The following CAMTA1 variants were observed in gnomAD, a reference collection of about 807,000 sequenced individuals.
CAMTA1 encodes calmodulin-binding transcription activator 1.
CAMTA1 carries 27 observed loss-of-function variants against 170.9 expected under a neutral mutation model. The observed-to-expected ratio is 0.16, with a 90% confidence interval of 0.12 to 0.22. The LOEUF (loss-of-function observed/expected upper bound fraction) is 0.22, where lower values mean the gene tolerates loss of function less well. Among genes scored for constraint, CAMTA1 ranks in the 10% least tolerant of loss-of-function variants. CAMTA1 has a pLI of 1.00. For synonymous variants in CAMTA1, 833 were observed against 891.5 expected, an observed-to-expected ratio of 0.93 and a Z score of 1.17; for missense variants, 1,619 against 2,217.2, an observed-to-expected ratio of 0.73 and a Z score of 5.42.
intron 5 of CAMTA1, among the ~76,000 whole-genome samples, chr1:7,352,323 GA>G (rs1395366405): frequency 6.6e-6 from 1 of 152,148 alleles, no homozygotes; most frequent in African/African-American, 2.4e-5. Context: ...TGTCATCTGG[GA>G]GGTGACAAAA....
intron 6 of CAMTA1, among the ~76,000 whole-genome samples, chr1:7,469,796 G>C (rs1478323152): frequency 1.3e-5 from 2 of 152,266 alleles, no homozygotes; most frequent in Middle Eastern, 6.8e-3. Context: ...GGGCAGCCAC[G>C]AGGTCTGAGC....
At chr1:7,390,266 A>C (rs2088541451) in intron 5 of CAMTA1, among the ~76,000 whole-genome samples, 1 of 152,178 alleles carries the variant, frequency 6.6e-6, no homozygotes, top group African/African-American at 2.4e-5. Context: ...AGAGGGTGAC[A>C]CAACCCGCCC....
intron 3 of CAMTA1, among the ~76,000 whole-genome samples, chr1:6,911,108 C>G (rs980780373): frequency 1.1e-4 from 17 of 152,234 alleles, no homozygotes; most frequent in Non-Finnish European, 2.2e-4. Context: ...GGCCAGCTTC[C>G]TTTGTTTTAA....
chr1:6,786,720 CG>C lies in CAMTA1; in HGVS notation c.45+1146del, dbSNP rs1173296567. Among the ~76,000 whole-genome samples, 5 of 152,228 alleles carry C rather than the reference CG, an allele frequency of 3.3e-5. No homozygotes were observed. The East Asian group carries it at 9.6e-4, about 29-fold the overall frequency. ...CTTATGGAGACAACTGGACGTTCAC[CG>C]TGCTCCTTTCGCCATTTGTGTGTCT... On this transcript the variant is annotated intron_variant, in intron 1 of 22. Transcript: ENST00000303635.
chr1:7,184,976 C>G (rs973452467), intron 4 of CAMTA1, among the ~76,000 whole-genome samples: 1 of 152,022 alleles, frequency 6.6e-6, no homozygotes, highest in African/African-American at 2.4e-5. Flanking sequence ...TTTGTTTTTT[C>G]AAGTGATGTG....
intron 5 of CAMTA1, among the ~76,000 whole-genome samples, chr1:7,432,832 C>T (rs773863825): frequency 2.0e-4 from 30 of 152,220 alleles, no homozygotes; most frequent in African/African-American, 4.1e-4. Context: ...GGATTATTTA[C>T]GGCCTTGTTT....
intron 11 of CAMTA1, among the ~76,000 whole-genome samples, chr1:7,716,565 T>C (rs898849219): frequency 2.0e-5 from 3 of 152,242 alleles, no homozygotes; most frequent in Non-Finnish European, 4.4e-5. Context: ...GTCTCTCATG[T>C]AGAATCCAGT....
At chr1:7,191,130 A>G (rs1654440071) in intron 4 of CAMTA1, among the ~76,000 whole-genome samples, 1 of 152,246 alleles carries the variant, frequency 6.6e-6, no homozygotes, top group Admixed American at 6.5e-5. Context: ...TCTGATTATA[A>G]GAGCCCTTGG....
intron 6 of CAMTA1, among the ~76,000 whole-genome samples, chr1:7,485,362 A>G (rs1459665243): frequency 6.6e-6 from 1 of 151,936 alleles, no homozygotes; most frequent in Admixed American, 6.5e-5. Context: ...CCTGACAGCC[A>G]CTCGTGCTCC....
intron 3 of CAMTA1, among the ~76,000 whole-genome samples, chr1:6,861,316 A>G (rs1664607359): frequency 6.6e-6 from 1 of 152,220 alleles, no homozygotes; most frequent in Non-Finnish European, 1.5e-5. Context: ...TGGTTTCAGT[A>G]AGATCACATC....
chr1:7,436,652 A>T (rs2092357462), intron 5 of CAMTA1, among the ~76,000 whole-genome samples: 1 of 152,116 alleles, frequency 6.6e-6, no homozygotes, highest in African/African-American at 2.4e-5. Flanking sequence ...AGAGCAGTTG[A>T]AGGCTGGTTC....
In CAMTA1 at chr1:6,971,281, G is replaced by A. The variant is rs74690337; in HGVS notation, c.235-120023G>A. ...TGGGAGTGGGAGTATTTATAGCAACGCCTCTTTTGCTGGAGTGTTGAACTT... is the reference window on the plus strand; with the variant it reads ...TGGGAGTGGGAGTATTTATAGCAACACCTCTTTTGCTGGAGTGTTGAACTT... On this transcript the variant is annotated intron_variant, in intron 3 of 22. Coordinates refer to ENST00000303635, the MANE Select transcript of CAMTA1 (RefSeq NM_015215.4). The surrounding 1 kb of genome is among the most constrained non-coding windows in gnomAD (Gnocchi z 4.6). Among the ~76,000 whole-genome samples, 75 of 152,302 alleles carry A rather than the reference G, an allele frequency of 4.9e-4. 1 individual carries two copies. The East Asian group carries it at 0.013, about 27-fold the overall frequency.
chr1:7,626,137 C>G (rs2095632004), intron 6 of CAMTA1, among the ~76,000 whole-genome samples: 2 of 152,188 alleles, frequency 1.3e-5, no homozygotes, highest in Non-Finnish European at 2.9e-5. Flanking sequence ...CTGGGGAACA[C>G]ATTAAAAAAA....
At position 6,970,581 on chromosome 1, in the gene CAMTA1, T is replaced by C. The variant is rs1435310934; in HGVS notation, c.235-120723T>C. 1.3e-5 allele frequency among the ~76,000 whole-genome samples: 2 copies of C among 152,030 alleles called. No individual in the cohort carries two copies. Among genetic ancestry groups the C allele is most frequent in the African/African-American group, 4.8e-5 (2 of 41,376 alleles). On this transcript the variant is annotated intron_variant, in intron 3 of 22. Transcript: ENST00000303635. The surrounding 1 kb of genome is among the most constrained non-coding windows in gnomAD (Gnocchi z 4.4). ...GGGACTCCACCTGAGGCCTGAAGGA[T>C]ACCGTGAGTCTGAAGACTCCACAGA... is the stretch of plus-strand genomic sequence containing the variant.
intron 10 of CAMTA1, among the ~76,000 whole-genome samples, chr1:7,676,420 G>T (rs566087176): frequency 1.3e-5 from 2 of 152,344 alleles, no homozygotes; most frequent in African/African-American, 4.8e-5. Flanking sequence ...GATGGCTGCT[G>T]CCTTAACACA....
At chr1:7,221,530 T>G (rs1278592316) in intron 4 of CAMTA1, among the ~76,000 whole-genome samples, 1 of 152,158 alleles carries the variant, frequency 6.6e-6, no homozygotes, top group Non-Finnish European at 1.5e-5. Context: ...TGCAAATTTC[T>G]TTGGTGATGG....
At chr1:7,375,927 G>A (rs187560242) in intron 5 of CAMTA1, among the ~76,000 whole-genome samples, 250 of 152,290 alleles carry the variant, frequency 1.6e-3, no homozygotes, top group Middle Eastern at 0.01. Context: ...CAGCGGACTG[G>A]GGCAAGGGCC....
chr1:7,655,578 A>C (rs944326035), intron 7 of CAMTA1, among the ~76,000 whole-genome samples: 4 of 120,810 alleles, frequency 3.3e-5, no homozygotes, highest in Non-Finnish European at 5.5e-5. Context: ...ACCCACCTAC[A>C]CACACAAACA....
chr1:7,585,639 A>G lies in CAMTA1; in HGVS notation c.511-54761A>G, dbSNP rs1997148. Among the ~76,000 whole-genome samples, 11,353 of 152,192 alleles carry G rather than the reference A, an allele frequency of 0.075. 1,463 individuals carry two copies. Among genetic ancestry groups the G allele is most frequent in the African/African-American group, 0.26 (10,835 of 41,472 alleles). ...GGCTACTGGTGCAGAGGGCAAGGGCAGGAGGCTGCAGGAGGACAATGGGCC... is the reference window on the plus strand; with the variant it reads ...GGCTACTGGTGCAGAGGGCAAGGGCGGGAGGCTGCAGGAGGACAATGGGCC... On this transcript the variant is annotated intron_variant, in intron 6 of 22. Coordinates refer to ENST00000303635, the MANE Select transcript of CAMTA1 (RefSeq NM_015215.4). The surrounding 1 kb of genome is among the most constrained non-coding windows in gnomAD (Gnocchi z 4.8).
Sources: allele counts gnomAD v4.1 joint callset (sites outside exome capture counted in the v4.1 genomes callset), GRCh38; gene constraint gnomAD v4.1.1; non-coding constraint Gnocchi (gnomAD v3.1); transcripts MANE v1.5; gene names NCBI Gene and HGNC (gene_info 2026-07-23, HGNC 2026-07-21).